Variants in MRPS22 observed in about 807,000 individuals in gnomAD.
MRPS22 encodes mitochondrial ribosomal protein S22.
In MRPS22, 30 loss-of-function variants were observed where a neutral mutation model predicts 44.0. That is an observed-to-expected ratio of 0.68 (90% CI 0.51 to 0.93). The LOEUF is 0.93. Ranked by LOEUF, MRPS22 falls within the 40% of genes least tolerant of loss-of-function variation. The pLI, the probability that MRPS22 is intolerant of heterozygous loss-of-function variation, is 0.00. For synonymous variants in MRPS22, 165 were observed against 154.4 expected (o/e 1.07, Z -0.51); for missense variants, 447 against 447.8 (o/e 1.00, Z 0.02).
intron 5 of MRPS22, chr3:139,352,356 T>C (rs1941167003): frequency 2.9e-6 from 1 of 345,042 alleles, no homozygotes; most frequent in South Asian, 2.9e-5. Flanking sequence ...TTCCTAGAGA[T>C]GAGGACTGCT....
chr3:139,348,402 G>C lies in MRPS22; in HGVS notation c.504+78G>C. The stretch of plus-strand genomic sequence containing the variant: ...AAGGGCTTGAGAGATGATGTGACCT[G>C]GCTGTCTCTGATGCGTCCAAACCAG... On this transcript the variant is annotated intron_variant, in intron 3 of 7. Coordinates refer to ENST00000680020, the MANE Select transcript of MRPS22 (RefSeq NM_020191.4). The C allele has an allele frequency of 4.1e-6, 6 of 1,465,272 alleles. No homozygotes were observed. In the South Asian group the frequency reaches 6.9e-5, roughly 17 times the overall value. The allele number at this position is 1,465,272 out of a possible 1,614,324, so 90.8% of individuals were successfully genotyped here.
chr3:139,350,357 T>C, intron 4 of MRPS22, 35 bp downstream of exon 4: 1 of 1,610,638 alleles, frequency 6.2e-7, no homozygotes, highest in Non-Finnish European at 8.5e-7. Flanking sequence ...TTAGAGCCAG[T>C]GGTGATGATT....
At position 139,350,948 on chromosome 3, in the gene MRPS22, G is replaced by T. The variant is rs1335141894; in HGVS notation, c.649-29G>T. Reference sequence around the variant, plus strand: ...AGGTGCTGAACTTCAGTGTTCTCATGTGATGCTAACTCTGCTGTGTGGTTT... The same window carrying T: ...AGGTGCTGAACTTCAGTGTTCTCATTTGATGCTAACTCTGCTGTGTGGTTT... On this transcript the variant is annotated intron_variant, in intron 4 of 7. Coordinates refer to ENST00000680020, the MANE Select transcript of MRPS22 (RefSeq NM_020191.4). 3.8e-6 allele frequency: 6 copies of T among 1,587,890 alleles called. No homozygotes were observed. In the South Asian group the frequency reaches 6.6e-5, roughly 18 times the overall value.
At chr3:139,345,453 T>G (rs904930842) in intron 1 of MRPS22, among the ~76,000 whole-genome samples, 6 of 144,164 alleles carry the variant, frequency 4.2e-5, no homozygotes, top group African/African-American at 1.5e-4. Context: ...TTTTTTTGTT[T>G]TTTTTTTTTT....
At chr3:139,350,434 T>A (rs1186047472) in intron 4 of MRPS22, 112 bp downstream of exon 4, 15 of 1,324,018 alleles carry the variant, frequency 1.1e-5, no homozygotes, top group Admixed American at 2.0e-5. Context: ...ACTTGACTTT[T>A]TTTTTTTTTT....
chr3:139,345,794 G>A (rs369193166), intron 1 of MRPS22, among the ~76,000 whole-genome samples: 2 of 152,164 alleles, frequency 1.3e-5, no homozygotes, highest in African/African-American at 4.8e-5. Context: ...TGACTTGGCA[G>A]TATTCAAGTA....
rs750915924 is a variant in MRPS22 at position 139,348,331 on chromosome 3, A to C, written c.504+7A>C. The C allele has an allele frequency of 3.1e-6, 5 of 1,613,296 alleles. No individual in the cohort carries two copies. In the South Asian group the frequency reaches 5.5e-5, roughly 18 times the overall value. On this transcript the variant is annotated splice_region_variant and intron_variant, in intron 3 of 7. Transcript: ENST00000680020. ...ATATAGCATACCACACCGGGTGAGT[A>C]TATGTCTAATCGCAAAATGATCTTT...
chr3:139,350,929 T>A, intron 4 of MRPS22, 48 bp from the exon 5 acceptor site: 1 of 1,498,034 alleles, frequency 6.7e-7, no homozygotes, highest in Admixed American at 1.7e-5. Context: ...GGACAGGTGC[T>A]GAACTTCAGT....
Position 139,355,685 on chromosome 3 carries a change from CGAT to C in MRPS22, c.887_889del (p.Asp296del). On this transcript the variant is annotated inframe_deletion, in exon 7 of 8. Transcript: ENST00000680020. ...CATTAAACCCTTTCATTCTCAGAAT[CGAT>C]GATGCAACCAACTTGGTCCAGCTGT... The C allele has an allele frequency of 6.2e-7, 1 of 1,613,330 alleles. No homozygotes were observed. The highest frequency in any genetic ancestry group is 1.1e-5 in the South Asian group (1 of 91,048).
chr3:139,357,026 A>G lies in MRPS22; in HGVS notation c.*12A>G. On this transcript the variant is annotated 3_prime_UTR_variant, in exon 8 of 8. Coordinates refer to ENST00000680020, the MANE Select transcript of MRPS22 (RefSeq NM_020191.4). ...CTGCAGCTTCCTAAAAATATTTTAA[A>G]AATACATTTATTTTACTAAATACTG... 2 of 1,569,490 alleles carry G rather than the reference A, an allele frequency of 1.3e-6. No homozygotes were observed. Among genetic ancestry groups the G allele is most frequent in the Non-Finnish European group, 1.8e-6 (2 of 1,142,826 alleles).
At chr3:139,344,917 C>T (rs1449916082) in intron 1 of MRPS22, among the ~76,000 whole-genome samples, 4 of 151,962 alleles carry the variant, frequency 2.6e-5, no homozygotes, top group Non-Finnish European at 5.9e-5. Flanking sequence ...GGAAAGGAGG[C>T]GGAATTAAAC....
rs1941083945 is a variant in MRPS22, at chr3:139,348,284, AAT to A, written c.467_468del (p.Tyr156CysfsTer4). Reference sequence around the variant, plus strand: ...ATTTTGGAAGGAACAGAAACAACCAAATATGTGTTTACTGATATATCATATAG... The same window carrying A: ...ATTTTGGAAGGAACAGAAACAACCAAATGTGTTTACTGATATATCATATAG... On this transcript the variant is annotated frameshift_variant, in exon 3 of 8. Transcript: ENST00000680020. LOFTEE classifies it high-confidence loss of function. 6.2e-7 allele frequency: 1 copy of A among 1,614,066 alleles called. No individual in the cohort carries two copies. Among genetic ancestry groups the A allele is most frequent in the African/African-American group, 1.3e-5 (1 of 75,050 alleles).
intron 1 of MRPS22, 102 bp downstream of exon 1, chr3:139,344,300 T>A: frequency 7.9e-7 from 1 of 1,262,356 alleles, no homozygotes; most frequent in Non-Finnish European, 1.1e-6. Context: ...ACACGTATCC[T>A]AGCGCTTCCT....
intron 2 of MRPS22, 67 bp downstream of exon 2, chr3:139,347,111 C>A: frequency 6.6e-7 from 1 of 1,518,956 alleles, no homozygotes; most frequent in Non-Finnish European, 9.1e-7. Context: ...TTCTAGAGGC[C>A]CCTCCAGATG....
intron 3 of MRPS22, chr3:139,349,423 T>G (rs1941106359): frequency 2.5e-6 from 1 of 403,082 alleles, no homozygotes; most frequent in South Asian, 1.8e-5. Flanking sequence ...GGTTAATTTA[T>G]ACATTAATCA....
In MRPS22 at chr3:139,352,553, G is replaced by C. The variant is rs1277821924; in HGVS notation, c.733-94G>C. 5 of 1,138,100 alleles carry C rather than the reference G, an allele frequency of 4.4e-6. No individual in the cohort carries two copies. The African/African-American group carries it at 7.6e-5, about 17-fold the overall frequency. The allele number at this position is 1,138,100 out of a possible 1,614,324, so 70.5% of individuals were successfully genotyped here. Reference sequence around the variant, plus strand: ...ACTGTAAGTAGACCTGGTTTTACTTGCTTGGGCAGCACTCATGCTAATCAG... The same window carrying C: ...ACTGTAAGTAGACCTGGTTTTACTTCCTTGGGCAGCACTCATGCTAATCAG... On this transcript the variant is annotated intron_variant, in intron 5 of 7. Transcript: ENST00000680020.
intron 2 of MRPS22, 68 bp from the exon 3 acceptor site, chr3:139,348,092 C>A: frequency 6.5e-7 from 1 of 1,528,384 alleles, no homozygotes; most frequent in Non-Finnish European, 9.0e-7. Context: ...TTAGTATGTG[C>A]TTTTGTCAGA....
intron 4 of MRPS22, 184 bp from the exon 5 acceptor site, chr3:139,350,793 C>T: frequency 1.5e-6 from 1 of 654,910 alleles, no homozygotes; most frequent in South Asian, 1.6e-5. Context: ...CTAGGGTTCT[C>T]TCATAATTGG....
chr3:139,348,256 A>C lies in MRPS22; in HGVS notation c.436A>C (p.Lys146Gln). 1 of 1,614,142 alleles carries C rather than the reference A, an allele frequency of 6.2e-7. No individual in the cohort carries two copies. Among genetic ancestry groups the C allele is most frequent in the Non-Finnish European group, 8.5e-7 (1 of 1,179,974 alleles). The change falls in exon 3 of 8, where the codon AAG (lysine) becomes CAG (glutamine). Residue 146 changes from lysine to glutamine, a missense_variant. Physicochemically the swap from Lys to Gln is moderately conservative, Grantham distance 53. Transcript: ENST00000680020. ...AATAAATGATGTGTTAGCTGAAGAT[A>C]AGATTTTGGAAGGAACAGAAACAAC... ...VPINDVLAED[K>Q]ILEGTETTKY...
Sources: allele counts gnomAD v4.1 joint callset (sites outside exome capture counted in the v4.1 genomes callset), GRCh38; gene constraint gnomAD v4.1.1; transcripts MANE v1.5; gene names NCBI Gene and HGNC (gene_info 2026-07-23, HGNC 2026-07-21).